The following SASH1 variants were observed in gnomAD, a reference collection of about 807,000 sequenced individuals.
SASH1 encodes the protein SAM and SH3 domain containing 1, also known as SAM and SH3 domain-containing protein 1.
Under a neutral mutation model 125.2 loss-of-function variants are expected in SASH1, and 44 were observed. That is an observed-to-expected ratio of 0.35 (90% CI 0.28 to 0.45). The LOEUF is 0.45. SASH1 is among the 20% of genes least tolerant of loss of function. The pLI, the probability that SASH1 is intolerant of heterozygous loss-of-function variation, is 1.00. For synonymous variants in SASH1, 639 were observed against 649.1 expected (o/e 0.98, Z 0.24); for missense variants, 1,426 against 1,614.5 (o/e 0.88, Z 2.00).
chr6:148,446,848 CACTT>C (rs1234956053), intron 4 of SASH1, among the ~76,000 whole-genome samples: 1 of 152,202 alleles, frequency 6.6e-6, no homozygotes, highest in African/African-American at 2.4e-5. Flanking sequence ...CAGGGCCACA[CACTT>C]ACTAAGAAGC....
chr6:148,227,389 A>G, the SASH1 span, among the ~76,000 whole-genome samples: 3 of 152,012 alleles, frequency 2.0e-5, no homozygotes, highest in Non-Finnish European at 4.4e-5. Context: ...ACAGAGTCTC[A>G]CTCTGTTGCC....
At chr6:148,517,034 C>T (rs766011872) in intron 9 of SASH1, among the ~76,000 whole-genome samples, 2 of 152,204 alleles carry the variant, frequency 1.3e-5, no homozygotes, top group African/African-American at 2.4e-5. Context: ...ACAGAATGCA[C>T]ACCTTTCCTT....
Position 148,543,994 on chromosome 6 carries a change from G to T in SASH1, c.2524G>T (p.Asp842Tyr), listed in dbSNP as rs898993656. ...TTGGCCCCGATCCCATTCCCTGGATGACCTTCAAGTGGAGCCTGGTGCTGA... is the reference window on the plus strand; with the variant it reads ...TTGGCCCCGATCCCATTCCCTGGATTACCTTCAAGTGGAGCCTGGTGCTGA... Reference protein sequence around the residue: ...DTWPRSHSLDDLQVEPGAEQD... With the variant: ...DTWPRSHSLDYLQVEPGAEQD... Residue 842 changes from aspartate to tyrosine, a missense_variant, in exon 18 of 20, where the codon GAC becomes TAC. Coordinates refer to ENST00000367467, the MANE Select transcript of SASH1 (RefSeq NM_015278.5). The T allele has an allele frequency of 4.3e-6, 7 of 1,614,144 alleles. No individual in the cohort carries two copies. Among genetic ancestry groups the T allele is most frequent in the Non-Finnish European group, 5.9e-6 (7 of 1,180,024 alleles).
At chr6:148,448,151 T>C (rs991854672) in intron 4 of SASH1, among the ~76,000 whole-genome samples, 5 of 151,868 alleles carry the variant, frequency 3.3e-5, no homozygotes, top group Admixed American at 6.6e-5. Context: ...TGTGTGTGTG[T>C]GCGTGCGTGC....
the SASH1 span, among the ~76,000 whole-genome samples, chr6:148,256,512 T>A: frequency 6.6e-6 from 1 of 152,342 alleles, no homozygotes; most frequent in Admixed American, 6.5e-5. Context: ...TGTAGTACAA[T>A]GTTAAGCTAC....
intron 1 of SASH1, among the ~76,000 whole-genome samples, chr6:148,304,794 G>C (rs544021419): frequency 1.3e-5 from 2 of 152,202 alleles, no homozygotes; most frequent in African/African-American, 2.4e-5. Flanking sequence ...TTGGGAGGCC[G>C]AGGCAGGCGG....
chr6:148,274,960 C>G (rs17078240), intron 1 of SASH1, among the ~76,000 whole-genome samples: 6,055 of 152,200 alleles, frequency 0.04, 178 homozygotes, highest in East Asian at 0.15. Flanking sequence ...TATTTGGACA[C>G]CAGGGATTCA....
At chr6:148,497,499 C>G (rs1195245122) in intron 8 of SASH1, among the ~76,000 whole-genome samples, 2 of 152,238 alleles carry the variant, frequency 1.3e-5, no homozygotes, top group Non-Finnish European at 2.9e-5. Flanking sequence ...ACCTGGGGCT[C>G]AGATCCAAAT....
intron 1 of SASH1, among the ~76,000 whole-genome samples, chr6:148,379,418 GT>G (rs1783043096): frequency 6.6e-6 from 1 of 152,134 alleles, no homozygotes; most frequent in African/African-American, 2.4e-5. Context: ...TATATTTCAT[GT>G]ATCAATGTCT....
At chr6:148,278,166 A>G (rs1315632073) in intron 1 of SASH1, among the ~76,000 whole-genome samples, 1 of 152,044 alleles carries the variant, frequency 6.6e-6, no homozygotes, top group Non-Finnish European at 1.5e-5. Flanking sequence ...CAGCCTGTCG[A>G]GTAGCATTAT....
chr6:148,364,510 T>C (rs962270220), intron 1 of SASH1, among the ~76,000 whole-genome samples: 4 of 151,946 alleles, frequency 2.6e-5, no homozygotes, highest in South Asian at 4.2e-4. Context: ...TCCTAACTAA[T>C]GTAGGGTGGA....
At chr6:148,543,611 C>A in intron 17 of SASH1, 69 bp from the exon 18 acceptor site, 4 of 1,352,836 alleles carry the variant, frequency 3.0e-6, no homozygotes, top group Non-Finnish European at 3.0e-6. Flanking sequence ...TATGTTAGCA[C>A]AACTTTATGC....
At chr6:148,379,702 G>A (rs970412563) in intron 1 of SASH1, among the ~76,000 whole-genome samples, 1 of 152,160 alleles carries the variant, frequency 6.6e-6, no homozygotes. Flanking sequence ...GTTAGATATT[G>A]AGGTTATAAA....
chr6:148,284,404 A>G (rs1178340343), intron 1 of SASH1, among the ~76,000 whole-genome samples: 2 of 152,136 alleles, frequency 1.3e-5, no homozygotes, highest in Non-Finnish European at 2.9e-5. Flanking sequence ...ATGCCATTGC[A>G]CTCCAGCCTG....
At chr6:148,463,341 C>T (rs1301453579) in intron 4 of SASH1, among the ~76,000 whole-genome samples, 7 of 152,152 alleles carry the variant, frequency 4.6e-5, no homozygotes, top group African/African-American at 1.7e-4. Flanking sequence ...CATGGGGTTT[C>T]ACCATGTTGT....
chr6:148,326,398 T>TCTTTA (rs1780828715), intron 1 of SASH1, among the ~76,000 whole-genome samples: 1 of 101,106 alleles, frequency 9.9e-6, no homozygotes, highest in Non-Finnish European at 2.0e-5. Flanking sequence ...TCTTTTCTTT[T>TCTTTA]CTTTTCTTTT....
At position 148,511,324 on chromosome 6, in the gene SASH1, TACACACACACACACACACACACAC is replaced by T. The variant is rs58822082; in HGVS notation, c.730-2973_730-2950del. Among the ~76,000 whole-genome samples the T allele has an allele frequency of 1.8e-3, 247 of 135,462 alleles. 1 individual carries two copies. Among genetic ancestry groups the T allele is most frequent in the African/African-American group, 6.4e-3 (228 of 35,806 alleles). The allele number at this position is 135,462 out of a possible 152,430, so 88.9% of individuals were successfully genotyped here. ...GCTGACTTCTAGGTTAATTTTCTAT[TACACACACACACACACACACACAC>T]ACACACACACACACACACACACACA... On this transcript the variant is annotated intron_variant, in intron 8 of 19. Transcript: ENST00000367467.
the SASH1 span, among the ~76,000 whole-genome samples, chr6:148,206,270 C>A: frequency 6.6e-6 from 1 of 152,062 alleles, no homozygotes; most frequent in Non-Finnish European, 1.5e-5. Flanking sequence ...TAGAAACATA[C>A]CTTCATAATG....
chr6:148,482,467 A>T (rs1778668975), intron 7 of SASH1, among the ~76,000 whole-genome samples: 1 of 152,188 alleles, frequency 6.6e-6, no homozygotes, highest in Non-Finnish European at 1.5e-5. Flanking sequence ...TTTGGAGATG[A>T]AGCAAAGAGC....
Sources: allele counts gnomAD v4.1 joint callset (sites outside exome capture counted in the v4.1 genomes callset), GRCh38; gene constraint gnomAD v4.1.1; transcripts MANE v1.5; gene names NCBI Gene and HGNC (gene_info 2026-07-23, HGNC 2026-07-21).